Variants in GRM4 observed in about 807,000 individuals in gnomAD.
GRM4 encodes metabotropic glutamate receptor 4.
GRM4 carries 28 observed loss-of-function variants against 81.7 expected under a neutral mutation model. The observed-to-expected ratio is 0.34, with a 90% CI of 0.25 to 0.47. The LOEUF is 0.47. Ranked by LOEUF, GRM4 falls within the 20% of genes least tolerant of loss-of-function variation. The pLI is 1.00. For missense variants in GRM4, 948 were observed against 1,290.0 expected (o/e 0.73, Z 4.06); for synonymous variants, 488 against 528.8 (o/e 0.92, Z 1.06).
rs1252243493 is a variant in GRM4 at position 34,021,160 on chromosome 6, G to C, written c.*1661C>G. On this transcript the variant is annotated 3_prime_UTR_variant, in exon 11 of 11. Coordinates refer to ENST00000538487, the MANE Select transcript of GRM4 (RefSeq NM_000841.4). This position sits in a 1 kb window ranked among gnomAD's most constrained non-coding sequence, Gnocchi z 5.3. ...GAACACTCGCCATGGGCCTGAGACA[G>C]GCATCTGCATGAGCCACCGGGGCCC... 1 of 152,280 alleles carries C rather than the reference G, an allele frequency of 6.6e-6. No individual in the cohort carries two copies. The highest frequency in any genetic ancestry group is 1.5e-5 in the Non-Finnish European group (1 of 68,068). The allele number at this position is 152,280 out of a possible 1,614,324, so 9.4% of individuals were successfully genotyped here. A position where few individuals can be genotyped will look rare whatever the true frequency, so the allele number is the denominator to read the frequency against.
rs1197596510 is a variant in GRM4 at position 34,113,468 on chromosome 6, G to C, written c.519+19510C>G. On this transcript the variant is annotated intron_variant, in intron 2 of 10. Coordinates refer to ENST00000538487, the MANE Select transcript of GRM4 (RefSeq NM_000841.4). Reference sequence around the variant, plus strand: ...CCCATTTAAACCTAACGTCTACCCAGGTAGGGAGATATTTGTTGAAATGCC... The same window carrying C: ...CCCATTTAAACCTAACGTCTACCCACGTAGGGAGATATTTGTTGAAATGCC... 3.3e-5 allele frequency among the ~76,000 whole-genome samples: 5 copies of C among 152,346 alleles called. No individual in the cohort carries two copies. In the East Asian group the frequency reaches 9.6e-4, roughly 29 times the overall value.
At chr6:34,148,799 G>A (rs766490190), upstream of GRM4, among the ~76,000 whole-genome samples, 1 of 152,214 alleles carries the variant, frequency 6.6e-6, no homozygotes, top group African/African-American at 2.4e-5. Flanking sequence ...TCTCCCTAAG[G>A]ATGCTGGGAT....
chr6:34,025,018 G>A (rs1376660004), intron 10 of GRM4, among the ~76,000 whole-genome samples: 2 of 152,162 alleles, frequency 1.3e-5, no homozygotes, highest in African/African-American at 4.8e-5. Context: ...GGTGCTGAGA[G>A]GGAGATGAGC....
In GRM4 at chr6:34,089,371, GCTCT is replaced by G. The variant is rs3041194; in HGVS notation, c.736+2508_736+2511del. ...TTTCAATTTGGCCAGCTGAAGTGCAGCTCTCTCTCTCTCTCTTCCTTTCTTTTCA... is the reference window on the plus strand; with the variant it reads ...TTTCAATTTGGCCAGCTGAAGTGCAGCTCTCTCTCTCTTCCTTTCTTTTCA... On this transcript the variant is annotated intron_variant, in intron 3 of 10. Coordinates refer to ENST00000538487, the MANE Select transcript of GRM4 (RefSeq NM_000841.4). The surrounding 1 kb of genome is among the most constrained non-coding windows in gnomAD (Gnocchi z 4.3). 1.3e-5 allele frequency among the ~76,000 whole-genome samples: 2 copies of G among 150,628 alleles called. No individual in the cohort carries two copies. Among genetic ancestry groups the G allele is most frequent in the Non-Finnish European group, 3.0e-5 (2 of 67,606 alleles).
chr6:34,106,574 T>G (rs1482234833), intron 2 of GRM4, among the ~76,000 whole-genome samples: 1 of 151,910 alleles, frequency 6.6e-6, no homozygotes, highest in Non-Finnish European at 1.5e-5. Context: ...GTCCAGCCAC[T>G]CCAACGTCCA....
intron 1 of GRM4, among the ~76,000 whole-genome samples, chr6:34,139,666 A>T (rs1770598662): frequency 6.6e-6 from 1 of 152,230 alleles, no homozygotes; most frequent in South Asian, 2.1e-4. Flanking sequence ...GCCCAGTCCG[A>T]GGTTCAGAAC....
At chr6:34,134,135 C>T (rs1483006707) in intron 1 of GRM4, among the ~76,000 whole-genome samples, 1 of 152,176 alleles carries the variant, frequency 6.6e-6, no homozygotes, top group Non-Finnish European at 1.5e-5. Flanking sequence ...TCCCCAGGAA[C>T]AGCCTCGAAC....
intron 3 of GRM4, among the ~76,000 whole-genome samples, chr6:34,067,143 C>T (rs377200994): frequency 1.4e-4 from 21 of 152,322 alleles, no homozygotes; most frequent in Non-Finnish European, 2.4e-4. Flanking sequence ...GGCATCCCCA[C>T]GTGAACATGA....
chr6:34,082,353 C>T (rs1443235649), intron 3 of GRM4, among the ~76,000 whole-genome samples: 9 of 152,178 alleles, frequency 5.9e-5, no homozygotes, highest in Admixed American at 1.3e-4. Flanking sequence ...CTGTGGGCTC[C>T]CCACTGGGCC....
At chr6:34,056,479 C>T (rs1242635529) in intron 6 of GRM4, 65 bp downstream of exon 6, 7 of 1,447,028 alleles carry the variant, frequency 4.8e-6, no homozygotes, top group Non-Finnish European at 6.7e-6. Context: ...GCCTCAGGCC[C>T]CCAGGCTCGG....
intron 9 of GRM4, among the ~76,000 whole-genome samples, chr6:34,029,483 T>C (rs1562008343): frequency 6.6e-6 from 1 of 152,060 alleles, no homozygotes; most frequent in Non-Finnish European, 1.5e-5. Context: ...CTTATATTCC[T>C]CCCTGTCCCT....
At chr6:34,125,900 G>A (rs910313158) in intron 2 of GRM4, among the ~76,000 whole-genome samples, 1 of 152,186 alleles carries the variant, frequency 6.6e-6, no homozygotes, top group Non-Finnish European at 1.5e-5. Context: ...GACCTACTTC[G>A]GACAACCCTT....
chr6:34,072,797 CACACATAT>C (rs1767021075), intron 3 of GRM4, among the ~76,000 whole-genome samples: 1 of 97,300 alleles, frequency 1.0e-5, no homozygotes, highest in Non-Finnish European at 2.2e-5. Flanking sequence ...AACACATCAC[CACACATAT>C]ACACACCACA....
Position 34,133,394 on chromosome 6 carries a change from T to C in GRM4, c.103A>G (p.Lys35Glu). 6.2e-7 allele frequency: 1 copy of C among 1,613,682 alleles called. No homozygotes were observed. Among genetic ancestry groups the C allele is most frequent in the Non-Finnish European group, 8.5e-7 (1 of 1,179,910 alleles). ...ATGGAATTCATGTGAGGGTGGCCTT[T>C]GGGCTTTCCCAGGGAGGAAGGCATC... ...PWMPSSLGKP[K>E]GHPHMNSIRI... Residue 35 changes from lysine (K) to glutamate (E), a missense_variant, in exon 2 of 11, where the codon AAA (lysine) becomes GAA (glutamate). Lys to Glu is a moderately conservative substitution (Grantham distance 56). Coordinates refer to ENST00000538487, the MANE Select transcript of GRM4 (RefSeq NM_000841.4). The surrounding 1 kb of genome is among the most constrained non-coding windows in gnomAD (Gnocchi z 6.5).
chr6:34,049,362 C>T (rs1434328269), intron 6 of GRM4, among the ~76,000 whole-genome samples: 1 of 152,110 alleles, frequency 6.6e-6, no homozygotes, highest in Non-Finnish European at 1.5e-5. Flanking sequence ...ACGCTCTGGG[C>T]CCTGCTGCCT....
At chr6:34,154,383 T>C (rs114906956) in intron 1 of GRM4, among the ~76,000 whole-genome samples, 2,109 of 152,220 alleles carry the variant, frequency 0.014, 25 homozygotes, top group Middle Eastern at 0.051. Context: ...TCCTCAACTT[T>C]CAAGGCCCAG....
chr6:34,081,710 C>A (rs531153603), intron 3 of GRM4, among the ~76,000 whole-genome samples: 1 of 152,240 alleles, frequency 6.6e-6, no homozygotes, highest in Admixed American at 6.5e-5. Flanking sequence ...CCATGTAGGC[C>A]TGAGGTGGGA....
At chr6:34,057,496 G>A (rs763625592) in intron 5 of GRM4, among the ~76,000 whole-genome samples, 4 of 152,208 alleles carry the variant, frequency 2.6e-5, no homozygotes, top group Admixed American at 6.5e-5. Flanking sequence ...CACTGTGGAC[G>A]CTCTGGGCGG....
chr6:34,086,205 G>A (rs1767881768), intron 3 of GRM4, among the ~76,000 whole-genome samples: 1 of 152,234 alleles, frequency 6.6e-6, no homozygotes, highest in Non-Finnish European at 1.5e-5. Context: ...GCCACATGCC[G>A]AGAGTCTCAC....
Sources: gnomAD v4.1 joint callset for allele counts (sites outside exome capture counted in the v4.1 genomes callset) on GRCh38, gnomAD v4.1.1 for gene constraint, Gnocchi (gnomAD v3.1) non-coding constraint, MANE v1.5 for transcripts, NCBI Gene and HGNC (gene_info 2026-07-23, HGNC 2026-07-21) for gene names.